FBXL20: variants seen among roughly 807,000 people sequenced by gnomAD.
FBXL20 encodes the protein F-box/LRR-repeat protein 20.
In FBXL20, 11 loss-of-function variants were observed where a neutral mutation model predicts 64.0. The ratio of observed to expected loss-of-function variants is 0.17; its 90% CI spans 0.11 to 0.28. The LOEUF is 0.28. Ranked by LOEUF, FBXL20 falls within the 10% of genes least tolerant of loss-of-function variation. The probability of loss-of-function intolerance (pLI) is 1.00; values close to 1 mark genes in which losing one functional copy is unlikely to be tolerated. For synonymous variants in FBXL20, 184 were observed against 189.0 expected, an observed-to-expected ratio of 0.97 and a Z score of 0.22; for missense variants, 303 against 526.2, an observed-to-expected ratio of 0.58 and a Z score of 4.15.
chr17:39,287,040 G>A (rs1449327762), intron 6 of FBXL20, among the ~76,000 whole-genome samples: 2 of 149,178 alleles, frequency 1.3e-5, no homozygotes, highest in Admixed American at 6.8e-5. Context: ...AGCCACCCAA[G>A]TAGCTGGGAT....
chr17:39,375,627 A>T (rs2047960014), intron 1 of FBXL20, among the ~76,000 whole-genome samples: 1 of 152,204 alleles, frequency 6.6e-6, no homozygotes, highest in Non-Finnish European at 1.5e-5. Context: ...TTATGCCTAT[A>T]ATACTTATAT....
At chr17:39,390,454 G>C (rs940056792) in intron 1 of FBXL20, among the ~76,000 whole-genome samples, 7 of 151,998 alleles carry the variant, frequency 4.6e-5, no homozygotes, top group Non-Finnish European at 7.4e-5. Context: ...CCAGCTACTA[G>C]GGAGGCTGAG....
intron 14 of FBXL20, among the ~76,000 whole-genome samples, chr17:39,262,393 G>A (rs887904601): frequency 1.3e-5 from 2 of 151,988 alleles, no homozygotes; most frequent in Non-Finnish European, 2.9e-5. Context: ...CGATTTTCCT[G>A]CCTCAGCCTC....
intron 1 of FBXL20, among the ~76,000 whole-genome samples, chr17:39,354,896 G>A (rs2144598714): frequency 6.6e-6 from 1 of 152,178 alleles, no homozygotes; most frequent in Middle Eastern, 3.4e-3. Flanking sequence ...CTTATTTCAA[G>A]GGATGTTCAC....
intron 1 of FBXL20, among the ~76,000 whole-genome samples, chr17:39,380,781 C>T (rs2048014454): frequency 6.6e-6 from 1 of 152,178 alleles, no homozygotes; most frequent in South Asian, 2.1e-4. Flanking sequence ...AAGTGCACCA[C>T]AAATATTTGC....
At chr17:39,376,951 T>C (rs1243959178) in intron 1 of FBXL20, among the ~76,000 whole-genome samples, 1 of 152,160 alleles carries the variant, frequency 6.6e-6, no homozygotes, top group Admixed American at 6.6e-5. Flanking sequence ...CAAGCTGCCC[T>C]TGTTCATTCC....
Position 39,256,351 on chromosome 17 carries a change from C to T in FBXL20, c.*5109G>A, listed in dbSNP as rs974703185. 6.0e-5 allele frequency: 9 copies of T among 150,082 alleles called. No individual in the cohort carries two copies. Among genetic ancestry groups the T allele is most frequent in the Admixed American group, 3.3e-4 (5 of 15,044 alleles). 9.3% of individuals were successfully genotyped at this position (150,082 alleles called of 1,614,324 possible). On this transcript the variant is annotated 3_prime_UTR_variant, in exon 15 of 15. Coordinates refer to ENST00000264658, the MANE Select transcript of FBXL20 (RefSeq NM_032875.3). ...AAAAAAAAAAAAAAAGAAATATAGGCGAGGAAAGGCTGTGACTCCATTTTT... is the reference window on the plus strand; with the variant it reads ...AAAAAAAAAAAAAAAGAAATATAGGTGAGGAAAGGCTGTGACTCCATTTTT...
At chr17:39,387,598 GA>G (rs1438272386) in intron 1 of FBXL20, among the ~76,000 whole-genome samples, 3 of 137,566 alleles carry the variant, frequency 2.2e-5, no homozygotes, top group Non-Finnish European at 4.6e-5. Flanking sequence ...TTTTTTTTGA[GA>G]CAAGGTCTCA....
intron 1 of FBXL20, among the ~76,000 whole-genome samples, chr17:39,390,464 G>A (rs1346787641): frequency 1.3e-5 from 2 of 152,064 alleles, no homozygotes; most frequent in East Asian, 3.8e-4. Flanking sequence ...GGGAGGCTGA[G>A]GCAGGAGAAT....
At chr17:39,318,198 G>A (rs746798700) in intron 2 of FBXL20, among the ~76,000 whole-genome samples, 22 of 152,082 alleles carry the variant, frequency 1.4e-4, no homozygotes, top group Non-Finnish European at 2.9e-4. Flanking sequence ...TTTTGTGTTC[G>A]TTGGAGTTAA....
At chr17:39,325,903 T>A (rs964244797) in intron 2 of FBXL20, among the ~76,000 whole-genome samples, 24 of 152,282 alleles carry the variant, frequency 1.6e-4, no homozygotes, top group African/African-American at 5.5e-4. Context: ...CCCCTTCAAG[T>A]CTCATGTTGA....
chr17:39,335,401 C>A (rs1180579208), intron 2 of FBXL20, among the ~76,000 whole-genome samples: 1 of 151,706 alleles, frequency 6.6e-6, no homozygotes, highest in Non-Finnish European at 1.5e-5. Flanking sequence ...CCTTAATTAT[C>A]CCGCTGCAGT....
intron 13 of FBXL20, 150 bp from the exon 14 acceptor site, chr17:39,264,537 TAG>T (rs2046775226): frequency 1.4e-6 from 1 of 740,616 alleles, no homozygotes; most frequent in African/African-American, 1.8e-5. Context: ...TTTAAAAAAC[TAG>T]AGATAGTGGG....
At chr17:39,319,970 T>C (rs2078677435) in intron 2 of FBXL20, among the ~76,000 whole-genome samples, 1 of 152,116 alleles carries the variant, frequency 6.6e-6, no homozygotes, top group South Asian at 2.1e-4. Context: ...CTGATTTTAA[T>C]TGAAAAACAC....
chr17:39,307,695 C>T (rs962142130), intron 2 of FBXL20, among the ~76,000 whole-genome samples: 13 of 152,000 alleles, frequency 8.6e-5, no homozygotes, highest in African/African-American at 2.7e-4. Context: ...AAAGACTGGG[C>T]GCAGTGGCTC....
At chr17:39,323,127 G>A (rs539963950) in intron 2 of FBXL20, among the ~76,000 whole-genome samples, 57 of 152,170 alleles carry the variant, frequency 3.7e-4, no homozygotes, top group Admixed American at 1.3e-3. Flanking sequence ...CTGCCACTGT[G>A]CCCAGCCAAT....
At chr17:39,374,497 C>T (rs2047948447) in intron 1 of FBXL20, among the ~76,000 whole-genome samples, 1 of 151,566 alleles carries the variant, frequency 6.6e-6, no homozygotes, top group African/African-American at 2.4e-5. Context: ...GCCAAGAATG[C>T]ACCAGTGCAC....
At chr17:39,273,604 G>GATC in intron 10 of FBXL20, among the ~76,000 whole-genome samples, 1 of 151,946 alleles carries the variant, frequency 6.6e-6, no homozygotes, top group African/African-American at 2.4e-5. Context: ...GAGGTGGGCA[G>GATC]ATCATGAGGT....
chr17:39,298,920 G>C (rs926719385), intron 5 of FBXL20, 70 bp downstream of exon 5: 1 of 1,245,118 alleles, frequency 8.0e-7, no homozygotes, highest in African/African-American at 1.5e-5. Context: ...AACGATTTTA[G>C]CCTTTTCTGG....
Sources: gnomAD v4.1 joint callset for allele counts (sites outside exome capture counted in the v4.1 genomes callset) on GRCh38, gnomAD v4.1.1 for gene constraint, MANE v1.5 for transcripts, NCBI Gene and HGNC (gene_info 2026-07-23, HGNC 2026-07-21) for gene names.